Variants in ABTB2 observed in about 807,000 individuals in gnomAD.
The protein encoded by ABTB2 is ankyrin repeat and BTB/POZ domain-containing protein 2.
A neutral mutation model predicts 104.1 loss-of-function variants in ABTB2; 56 were observed. The observed-to-expected ratio is 0.54, with a 90% CI of 0.43 to 0.67. The LOEUF is 0.67. ABTB2 is among the 30% of genes least tolerant of loss of function. The pLI, the probability that ABTB2 is intolerant of heterozygous loss-of-function variation, is 0.00. For synonymous variants in ABTB2, 606 were observed against 608.2 expected (o/e 1.00, Z 0.05); for missense variants, 1,279 against 1,407.7 (o/e 0.91, Z 1.46).
intron 1 of ABTB2, among the ~76,000 whole-genome samples, chr11:34,272,733 C>CAAAAAA (rs1323130706): frequency 3.9e-5 from 5 of 127,636 alleles, no homozygotes; most frequent in African/African-American, 1.2e-4. Context: ...AAAAAAAAAC[C>CAAAAAA]AACCAACCAT....
intron 1 of ABTB2, among the ~76,000 whole-genome samples, chr11:34,352,295 G>A (rs1385455756): frequency 3.9e-5 from 6 of 152,102 alleles, no homozygotes; most frequent in Admixed American, 3.9e-4. Context: ...TGGCCTAAAG[G>A]TCCTTAGTAG....
chr11:34,248,609 A>G (rs761812687), intron 1 of ABTB2, among the ~76,000 whole-genome samples: 7 of 152,214 alleles, frequency 4.6e-5, no homozygotes, highest in African/African-American at 7.2e-5. Context: ...AGGAAAACCA[A>G]AGGTACTGTT....
chr11:34,172,443 T>TAGATAGATAGATAGATAGAC (rs1267988857), intron 4 of ABTB2, among the ~76,000 whole-genome samples: 20 of 97,844 alleles, frequency 2.0e-4, no homozygotes, highest in African/African-American at 8.5e-4. Flanking sequence ...TGTATATAGA[T>TAGATAGATAGATAGATAGAC]AGATAGATAG....
chr11:34,175,045 C>A (rs760200322), intron 3 of ABTB2, among the ~76,000 whole-genome samples: 1 of 152,262 alleles, frequency 6.6e-6, no homozygotes, highest in East Asian at 1.9e-4. Flanking sequence ...CCTTGACATG[C>A]AGCTAAGTGC....
At chr11:34,330,493 G>A (rs1186645338) in intron 1 of ABTB2, among the ~76,000 whole-genome samples, 2 of 152,244 alleles carry the variant, frequency 1.3e-5, no homozygotes. Flanking sequence ...TATAATAGCT[G>A]TGAGATCAAA....
chr11:34,340,244 A>G (rs1201437618), intron 1 of ABTB2, among the ~76,000 whole-genome samples: 1 of 152,182 alleles, frequency 6.6e-6, no homozygotes, highest in Non-Finnish European at 1.5e-5. Flanking sequence ...AATGCGAACA[A>G]TACGTGAAAA....
chr11:34,159,877 C>A (rs756347165), intron 13 of ABTB2, 29 bp downstream of exon 13: 1 of 1,558,048 alleles, frequency 6.4e-7, no homozygotes, highest in Non-Finnish European at 8.9e-7. Context: ...TGCCCCTGGG[C>A]TGGGAGTTTG....
chr11:34,152,897 A>T (rs1042313847), intron 16 of ABTB2, among the ~76,000 whole-genome samples: 1 of 152,210 alleles, frequency 6.6e-6, no homozygotes, highest in Non-Finnish European at 1.5e-5. Flanking sequence ...GCTCAGCACC[A>T]GGCCTGGCAT....
chr11:34,345,043 A>C (rs1341487660), intron 1 of ABTB2, among the ~76,000 whole-genome samples: 4 of 152,194 alleles, frequency 2.6e-5, no homozygotes, highest in Non-Finnish European at 5.9e-5. Flanking sequence ...TACTAAAGTC[A>C]ATTTCCAACA....
At chr11:34,304,639 G>A (rs899863819) in intron 1 of ABTB2, among the ~76,000 whole-genome samples, 1 of 152,076 alleles carries the variant, frequency 6.6e-6, no homozygotes, top group African/African-American at 2.4e-5. Context: ...GGGCAATATG[G>A]GGAGACAAAC....
chr11:34,191,863 A>G (rs973846650), intron 3 of ABTB2, among the ~76,000 whole-genome samples: 2 of 151,816 alleles, frequency 1.3e-5, no homozygotes, highest in African/African-American at 2.4e-5. Flanking sequence ...GCTCCTCCCC[A>G]TCGCCGGTCT....
At chr11:34,295,911 C>G (rs546843166) in intron 1 of ABTB2, among the ~76,000 whole-genome samples, 2 of 152,294 alleles carry the variant, frequency 1.3e-5, no homozygotes, top group African/African-American at 4.8e-5. Context: ...AAGGTCCTAT[C>G]TCCAAACACC....
chr11:34,285,235 G>C (rs1282120206), intron 1 of ABTB2, among the ~76,000 whole-genome samples: 1 of 152,152 alleles, frequency 6.6e-6, no homozygotes, highest in Non-Finnish European at 1.5e-5. Flanking sequence ...AGTGGGGGAG[G>C]GGAGGTTTCC....
intron 1 of ABTB2, among the ~76,000 whole-genome samples, chr11:34,270,928 G>A (rs1239267113): frequency 6.6e-6 from 1 of 152,170 alleles, no homozygotes; most frequent in African/African-American, 2.4e-5. Flanking sequence ...GCTGCCTCTT[G>A]ACTTTAGGCA....
intron 1 of ABTB2, among the ~76,000 whole-genome samples, chr11:34,254,381 G>A (rs1426877479): frequency 6.6e-6 from 1 of 152,026 alleles, no homozygotes; most frequent in African/African-American, 2.4e-5. Context: ...CCAAGTAGCT[G>A]GGACTACAGG....
At chr11:34,178,088 C>T (rs966866713) in intron 3 of ABTB2, among the ~76,000 whole-genome samples, 2 of 152,176 alleles carry the variant, frequency 1.3e-5, no homozygotes, top group Non-Finnish European at 2.9e-5. Context: ...ACCCAGAATG[C>T]TGCTTCCTGA....
intron 1 of ABTB2, among the ~76,000 whole-genome samples, chr11:34,283,705 G>T (rs1268795425): frequency 6.6e-6 from 1 of 152,162 alleles, no homozygotes; most frequent in East Asian, 1.9e-4. Flanking sequence ...AGCATCACAA[G>T]GTGACCGTTG....
rs546125093 is a variant in ABTB2, at chr11:34,180,372, C to T, written c.1245-7065G>A. On this transcript the variant is annotated intron_variant, in intron 3 of 16. Coordinates refer to ENST00000435224, the MANE Select transcript of ABTB2 (RefSeq NM_145804.3). ...AGACCCAGAGGCCTTGGGTCATGAACGTGTGTGGTGGCGAGGGTGGGTGAG... is the reference window on the plus strand; with the variant it reads ...AGACCCAGAGGCCTTGGGTCATGAATGTGTGTGGTGGCGAGGGTGGGTGAG... Among the ~76,000 whole-genome samples the T allele has an allele frequency of 6.6e-5, 10 of 152,296 alleles. No homozygotes were observed. The East Asian group carries it at 1.7e-3, about 26-fold the overall frequency.
In ABTB2 at chr11:34,357,241, G is replaced by C. The variant is rs1374842786; in HGVS notation, c.343C>G (p.Arg115Gly). The part of the protein sequence containing the change: ...ARVLRKGAGG[R>G]RLPQFSAEAV... ...TCGGCGGAGAACTGGGGCAGCCGCCGGCCGCCAGCGCCTTTGCGGAGCACC... is the reference window on the plus strand; with the variant it reads ...TCGGCGGAGAACTGGGGCAGCCGCCCGCCGCCAGCGCCTTTGCGGAGCACC... The change falls in exon 1 of 17, where the codon CGG becomes GGG. Residue 115 changes from arginine (R) to glycine (G), a missense_variant. Transcript: ENST00000435224. The C allele has an allele frequency of 4.0e-6, 6 of 1,498,990 alleles. No homozygotes were observed. Among genetic ancestry groups the C allele is most frequent in the Non-Finnish European group, 5.3e-6 (6 of 1,130,112 alleles). The allele number at this position is 1,498,990 out of a possible 1,614,324, so 92.9% of individuals were successfully genotyped here. A position where few individuals can be genotyped will look rare whatever the true frequency, so the allele number is the denominator to read the frequency against.
Sources: gnomAD v4.1 joint callset for allele counts (sites outside exome capture counted in the v4.1 genomes callset) on GRCh38, gnomAD v4.1.1 for gene constraint, MANE v1.5 for transcripts, NCBI Gene and HGNC (gene_info 2026-07-23, HGNC 2026-07-21) for gene names.